Variants in GSE1 observed in about 807,000 individuals in gnomAD.
GSE1 encodes the protein Gse1 coiled-coil protein, also known as genetic suppressor element 1.
Under a neutral mutation model 112.6 loss-of-function variants are expected in GSE1, and 32 were observed. The ratio of observed to expected loss-of-function variants is 0.28; its 90% confidence interval spans 0.21 to 0.38. The LOEUF (loss-of-function observed/expected upper bound fraction) is 0.38. GSE1 is among the 10% of genes least tolerant of loss of function. The probability of loss-of-function intolerance (pLI) is 1.00; values close to 1 mark genes in which losing one functional copy is unlikely to be tolerated. For missense variants in GSE1, 2,348 were observed against 1,699.2 expected (o/e 1.38, Z -6.71); for synonymous variants, 1,115 against 735.6 (o/e 1.52, Z -8.35).
At chr16:85,638,478 T>C (rs1444473938) in intron 2 of GSE1, among the ~76,000 whole-genome samples, 1 of 152,212 alleles carries the variant, frequency 6.6e-6, no homozygotes, top group Non-Finnish European at 1.5e-5. Flanking sequence ...CCCAGCACTT[T>C]CCTTCCTTGC....
intron 1 of GSE1, among the ~76,000 whole-genome samples, chr16:85,221,448 T>TAC (rs554041756): frequency 0.013 from 1,927 of 150,846 alleles, 35 homozygotes; most frequent in African/African-American, 0.043. Flanking sequence ...TGCACATGTG[T>TAC]ACACACACAC....
chr16:85,196,415 G>A (rs1401464212), intron 1 of GSE1, among the ~76,000 whole-genome samples: 2 of 152,176 alleles, frequency 1.3e-5, no homozygotes, highest in African/African-American at 4.8e-5. Context: ...GAGCAGGGAA[G>A]GGATTGGCGT....
chr16:85,340,269 G>T (rs1177597662), intron 1 of GSE1, among the ~76,000 whole-genome samples: 1 of 152,182 alleles, frequency 6.6e-6, no homozygotes, highest in Admixed American at 6.5e-5. Flanking sequence ...AGGATCACTT[G>T]AGCCCACCAG....
At chr16:85,329,612 G>A (rs774070828) in intron 1 of GSE1, among the ~76,000 whole-genome samples, 5 of 151,952 alleles carry the variant, frequency 3.3e-5, no homozygotes, top group Non-Finnish European at 7.4e-5. Context: ...GCGGGGAGAG[G>A]GCAGGAGAAG....
At chr16:85,654,171 C>A in intron 3 of GSE1, 107 bp from the exon 4 acceptor site, 3 of 1,009,380 alleles carry the variant, frequency 3.0e-6, no homozygotes, top group Non-Finnish European at 4.4e-6. Flanking sequence ...GTTTCTAGAA[C>A]ATGAACTAAA....
intron 1 of GSE1, among the ~76,000 whole-genome samples, chr16:85,194,105 C>T (rs972149841): frequency 6.6e-6 from 1 of 152,198 alleles, no homozygotes; most frequent in Non-Finnish European, 1.5e-5. Context: ...TCTGACTCAA[C>T]GACGTAGCAG....
chr16:85,663,259 G>GA, intron 10 of GSE1, 85 bp from the exon 11 acceptor site: 1 of 1,482,450 alleles, frequency 6.7e-7, no homozygotes, highest in Non-Finnish European at 9.2e-7. Flanking sequence ...CCCACACTTC[G>GA]AGGACCCCAG....
chr16:85,224,671 A>C (rs1338449594), intron 1 of GSE1, among the ~76,000 whole-genome samples: 1 of 151,960 alleles, frequency 6.6e-6, no homozygotes, highest in Non-Finnish European at 1.5e-5. Context: ...ATGGCAGGGG[A>C]GGGGGGCACT....
At chr16:85,575,605 G>C (rs2046198589) in intron 1 of GSE1, among the ~76,000 whole-genome samples, 1 of 152,086 alleles carries the variant, frequency 6.6e-6, no homozygotes, top group Non-Finnish European at 1.5e-5. Context: ...ACGGGCGGGA[G>C]GGGCATATGG....
intron 1 of GSE1, among the ~76,000 whole-genome samples, chr16:85,587,181 C>A (rs1046634866): frequency 3.5e-4 from 52 of 149,068 alleles, no homozygotes; most frequent in African/African-American, 1.0e-3. Flanking sequence ...CCCCCCCCCC[C>A]AGACCAGACC....
intron 2 of GSE1, among the ~76,000 whole-genome samples, chr16:85,427,633 C>G (rs560133320): frequency 9.5e-4 from 144 of 152,048 alleles, no homozygotes; most frequent in African/African-American, 3.3e-3. Context: ...CAGAGCAGCA[C>G]TCCATCTCAA....
chr16:85,279,021 C>G (rs974139923), intron 1 of GSE1: 4 of 152,472 alleles, frequency 2.6e-5, no homozygotes, highest in African/African-American at 9.6e-5. Context: ...GAGGTTTTGT[C>G]AAAGCACTGG....
chr16:85,303,198 G>A (rs12929164), intron 1 of GSE1, among the ~76,000 whole-genome samples: 1 of 152,144 alleles, frequency 6.6e-6, no homozygotes, highest in African/African-American at 2.4e-5. Context: ...GCCAAGCAAC[G>A]GGAAGCGGAG....
At chr16:85,320,041 CAGAT>C in intron 1 of GSE1, among the ~76,000 whole-genome samples, 1 of 152,322 alleles carries the variant, frequency 6.6e-6, no homozygotes, top group Middle Eastern at 3.4e-3. Flanking sequence ...TACAGGTTCT[CAGAT>C]GGATAATGAC....
exon 1 of GSE1, chr16:85,170,468 G>T (rs1274678704): frequency 1.0e-6 from 1 of 985,496 alleles, no homozygotes; most frequent in Admixed American, 6.1e-5. Context: ...ACCCTACGGG[G>T]CTTCTGCACC....
chr16:85,425,679 A>G (rs970184622), intron 2 of GSE1, among the ~76,000 whole-genome samples: 1 of 150,218 alleles, frequency 6.7e-6, no homozygotes, highest in Admixed American at 6.6e-5. Context: ...AAAGTCATGC[A>G]GCCCCGCTTA....
chr16:85,179,769 A>G (rs1031589810), intron 1 of GSE1, among the ~76,000 whole-genome samples: 1 of 152,140 alleles, frequency 6.6e-6, no homozygotes, highest in African/African-American at 2.4e-5. Context: ...TGTACTAAGA[A>G]TTGAGAAGGG....
chr16:85,479,591 A>G (rs2050609297), intron 2 of GSE1, among the ~76,000 whole-genome samples: 1 of 152,166 alleles, frequency 6.6e-6, no homozygotes, highest in Non-Finnish European at 1.5e-5. Context: ...GGTGTGAGCC[A>G]CCGTGCCTGG....
intron 9 of GSE1, chr16:85,662,523 C>T (rs2052520480): frequency 6.4e-6 from 1 of 155,314 alleles, no homozygotes; most frequent in African/African-American, 2.4e-5. Context: ...GAGGGAGATA[C>T]CCCAGCGCCC....
Sources: gnomAD v4.1 joint callset for allele counts (sites outside exome capture counted in the v4.1 genomes callset) on GRCh38, gnomAD v4.1.1 for gene constraint, MANE v1.5 for transcripts, NCBI Gene and HGNC (gene_info 2026-07-23, HGNC 2026-07-21) for gene names.